Variants in EGF observed in about 807,000 individuals in gnomAD.
The protein encoded by EGF is epidermal growth factor.
Under a neutral mutation model 143.8 loss-of-function variants are expected in EGF, and 95 were observed. The ratio of observed to expected loss-of-function variants is 0.66; its 90% confidence interval spans 0.56 to 0.78. EGF has a LOEUF of 0.78. EGF is among the 30% of genes least tolerant of loss of function. The pLI, the probability that EGF is intolerant of heterozygous loss-of-function variation, is 0.00. For missense variants in EGF, 1,320 were observed against 1,470.9 expected, an observed-to-expected ratio of 0.90 and a Z score of 1.68; for synonymous variants, 510 against 510.5, an observed-to-expected ratio of 1.00 and a Z score of 0.01.
intron 13 of EGF, among the ~76,000 whole-genome samples, chr4:109,976,656 A>G (rs1378207688): frequency 6.6e-6 from 1 of 152,184 alleles, no homozygotes; most frequent in Non-Finnish European, 1.5e-5. Context: ...CAGATTTTAC[A>G]TGGGGTGTCA....
chr4:110,013,409 G>A lies in EGF; in HGVS notation c.*1954G>A, dbSNP rs905041014. Among the ~76,000 whole-genome samples, 1 of 151,952 alleles carries A rather than the reference G, an allele frequency of 6.6e-6. No individual in the cohort carries two copies. The highest frequency in any genetic ancestry group is 1.5e-5 in the Non-Finnish European group (1 of 67,998). On this transcript the variant is annotated 3_prime_UTR_variant, in exon 24 of 24. Coordinates refer to ENST00000265171, the MANE Select transcript of EGF (RefSeq NM_001963.6). Reference sequence around the variant, plus strand: ...AATGACTCTGGTACCTTAGAAACTGGGACCCTGCTAAGTCCTTGACTAGGC... The same window carrying A: ...AATGACTCTGGTACCTTAGAAACTGAGACCCTGCTAAGTCCTTGACTAGGC...
intron 1 of EGF, among the ~76,000 whole-genome samples, chr4:109,934,258 T>G (rs1740346196): frequency 6.6e-6 from 1 of 152,204 alleles, no homozygotes; most frequent in African/African-American, 2.4e-5. Context: ...TGAAGTTGCC[T>G]ATCAGCTTAA....
rs886058989 is a variant in EGF at position 109,913,071 on chromosome 4, G to T, written c.-265G>T. The T allele has an allele frequency of 1.9e-5, 8 of 417,854 alleles. No homozygotes were observed. Among genetic ancestry groups the T allele is most frequent in the African/African-American group, 2.0e-5 (1 of 49,166 alleles). 25.9% of individuals were successfully genotyped at this position (417,854 alleles called of 1,614,324 possible). On this transcript the variant is annotated 5_prime_UTR_variant, in exon 1 of 24. Coordinates refer to ENST00000265171, the MANE Select transcript of EGF (RefSeq NM_001963.6). ...AAACTCTGTGAAATTTGTCATAAGG[G>T]TGTCAGGTATTTCTTACTGGCTTCC...
chr4:109,938,843 T>A lies in EGF; in HGVS notation c.128-2103T>A, dbSNP rs375645099. ...ACCTTGTTTGCCTGGGTATCACCAG[T>A]GGAGGCTACAGAAGAGCAAATATTG... On this transcript the variant is annotated intron_variant, in intron 1 of 23. Coordinates refer to ENST00000265171, the MANE Select transcript of EGF (RefSeq NM_001963.6). 3.5e-4 allele frequency among the ~76,000 whole-genome samples: 54 copies of A among 152,304 alleles called. No homozygotes were observed. The East Asian group carries it at 4.2e-3, about 12-fold the overall frequency.
intron 13 of EGF, among the ~76,000 whole-genome samples, chr4:109,978,881 C>A (rs1748904570): frequency 6.6e-6 from 1 of 152,174 alleles, no homozygotes; most frequent in African/African-American, 2.4e-5. Context: ...GTAACCAGAA[C>A]AAGTTATTTG....
chr4:110,002,657 G>T (rs1352173775), intron 21 of EGF, among the ~76,000 whole-genome samples: 3 of 151,166 alleles, frequency 2.0e-5, no homozygotes, highest in Non-Finnish European at 3.0e-5. Flanking sequence ...TTTTTTGTGG[G>T]TTTTTTTTTA....
rs1184731518 is a variant in EGF at position 109,980,828 on chromosome 4, G to A, written c.2224G>A (p.Ala742Thr). Residue 742 changes from alanine (A) to threonine (T), a missense_variant and splice_region_variant, in exon 15 of 24, where the codon GCA becomes ACA. Ala to Thr is a moderately conservative substitution (Grantham distance 58, BLOSUM62 0). This residue lies in a region of EGF where 1,186 missense variants were observed against 1,313.7 expected (regional missense o/e 0.90). Coordinates refer to ENST00000265171, the MANE Select transcript of EGF (RefSeq NM_001963.6). ...AATTTGTTTCTTTTCTCTACTAGGAGCAGATCCCTGCTTATATCAAAACGG... is the reference window on the plus strand; with the variant it reads ...AATTTGTTTCTTTTCTCTACTAGGAACAGATCCCTGCTTATATCAAAACGG... ...VVVHPLAKPGADPCLYQNGGC... is the reference protein window; with the variant it reads ...VVVHPLAKPGTDPCLYQNGGC... The A allele has an allele frequency of 1.2e-6, 2 of 1,613,974 alleles. No homozygotes were observed. The highest frequency in any genetic ancestry group is 2.7e-5 in the African/African-American group (2 of 75,004).
At chr4:109,932,379 A>ATATATATATATATATATATATATATATT in intron 1 of EGF, among the ~76,000 whole-genome samples, 1 of 113,496 alleles carries the variant, frequency 8.8e-6, no homozygotes, top group Non-Finnish European at 1.7e-5. Context: ...ATATATATAA[A>ATATATATATATATATATATATATATATT]TTTTTTTTTT....
At chr4:109,946,885 G>A (rs763748920) in intron 5 of EGF, among the ~76,000 whole-genome samples, 2 of 152,102 alleles carry the variant, frequency 1.3e-5, no homozygotes, top group Non-Finnish European at 2.9e-5. Flanking sequence ...TTGGGAGGCC[G>A]AGGTAGATAG....
intron 21 of EGF, chr4:110,004,249 CACAA>C (rs1201261133): frequency 3.0e-5 from 15 of 493,390 alleles, no homozygotes; most frequent in African/African-American, 1.4e-4. Context: ...CACACACACA[CACAA>C]ACACACACAC....
chr4:109,919,652 TA>T (rs1737429937), intron 1 of EGF, among the ~76,000 whole-genome samples: 1 of 151,644 alleles, frequency 6.6e-6, no homozygotes, highest in African/African-American at 2.4e-5. Flanking sequence ...GAGTGACAGG[TA>T]GGGGGGAACT....
Position 109,940,880 on chromosome 4 carries a change from A to C in EGF, c.128-66A>C, listed in dbSNP as rs1344640546. ...TCTGCTTGTGTTGGTTGTCATTGGGAAGTATTTTGTTTAAATGAGATAAAA... is the reference window on the plus strand; with the variant it reads ...TCTGCTTGTGTTGGTTGTCATTGGGCAGTATTTTGTTTAAATGAGATAAAA... On this transcript the variant is annotated intron_variant, in intron 1 of 23. Transcript: ENST00000265171. 15 of 1,450,496 alleles carry C rather than the reference A, an allele frequency of 1.0e-5. No individual in the cohort carries two copies. The South Asian group carries it at 1.3e-4, about 12-fold the overall frequency. 89.9% of individuals were successfully genotyped at this position (1,450,496 alleles called of 1,614,324 possible). A position where few individuals can be genotyped will look rare whatever the true frequency, so the allele number is the denominator to read the frequency against.
In EGF at chr4:109,943,857, T is replaced by C. The variant is rs1443560309; in HGVS notation, c.525T>C (p.Ser175=). The C allele has an allele frequency of 6.2e-7, 1 of 1,614,230 alleles. No individual in the cohort carries two copies. The highest frequency in any genetic ancestry group is 1.3e-5 in the African/African-American group (1 of 75,062). ...VDPVERFIFW[S]SEVAGSLYRA... ...TTGCCCTCAGGTTTATATTTTGGTC[T>C]TCAGAGGTGGCTGGAAGCCTTTATA... The change falls in exon 4 of 24, where the codon TCT becomes TCC. Residue 175 remains serine (S), a synonymous_variant. Transcript: ENST00000265171.
chr4:109,954,869 A>T (rs1744549735), intron 5 of EGF, among the ~76,000 whole-genome samples: 1 of 152,246 alleles, frequency 6.6e-6, no homozygotes, highest in South Asian at 2.1e-4. Flanking sequence ...CCTAATCTGT[A>T]AAATGGAAGA....
chr4:109,930,120 A>G (rs1329338300), intron 1 of EGF, among the ~76,000 whole-genome samples: 1 of 151,994 alleles, frequency 6.6e-6, no homozygotes, highest in East Asian at 1.9e-4. Flanking sequence ...CATGATTGTA[A>G]TTTTCCTGAG....
intron 10 of EGF, among the ~76,000 whole-genome samples, chr4:109,965,861 T>C (rs1746475559): frequency 6.6e-6 from 1 of 152,080 alleles, no homozygotes; most frequent in Non-Finnish European, 1.5e-5. Flanking sequence ...CCTATTTGTA[T>C]TTATGAAACA....
chr4:109,997,382 T>A (rs1309878766), intron 20 of EGF, among the ~76,000 whole-genome samples: 2 of 152,200 alleles, frequency 1.3e-5, no homozygotes, highest in African/African-American at 4.8e-5. Context: ...AATTCTTGAT[T>A]CATAGTATAT....
rs1035784390 is a variant in EGF, at chr4:109,913,529, A to G, written c.127+67A>G. ...CTGCCCCCACATCCCTGTTGGTTCA[A>G]TCTGGTATACTTGGGCATTTAACAA... On this transcript the variant is annotated intron_variant, in intron 1 of 23. Coordinates refer to ENST00000265171, the MANE Select transcript of EGF (RefSeq NM_001963.6). 5.0e-6 allele frequency: 8 copies of G among 1,588,260 alleles called. No individual in the cohort carries two copies. The African/African-American group carries it at 5.4e-5, about 11-fold the overall frequency.
intron 11 of EGF, among the ~76,000 whole-genome samples, chr4:109,974,394 A>T (rs1021742477): frequency 6.6e-6 from 1 of 152,186 alleles, no homozygotes; most frequent in Non-Finnish European, 1.5e-5. Context: ...GAAGTTATAA[A>T]GAGAATGTCC....
Sources: allele counts gnomAD v4.1 joint callset (sites outside exome capture counted in the v4.1 genomes callset), GRCh38; gene constraint gnomAD v4.1.1; regional missense constraint gnomAD v4.1.1; transcripts MANE v1.5; gene names NCBI Gene and HGNC (gene_info 2026-07-23, HGNC 2026-07-21).